Variants in CDKL1 observed in about 807,000 individuals in gnomAD.
The protein encoded by CDKL1 is cyclin dependent kinase like 1, also known as cyclin-dependent kinase-like 1.
In CDKL1, 41 loss-of-function variants were observed where a neutral mutation model predicts 42.0. The observed-to-expected ratio is 0.98, with a 90% CI of 0.76 to 1.27. CDKL1 has a LOEUF of 1.27. Ranked by LOEUF, CDKL1 falls within the 50% of genes most tolerant of loss-of-function variation. The pLI is 0.00. For synonymous variants in CDKL1, 153 were observed against 158.6 expected, an observed-to-expected ratio of 0.96 and a Z score of 0.26; for missense variants, 394 against 428.4, an observed-to-expected ratio of 0.92 and a Z score of 0.71.
intron 4 of CDKL1, among the ~76,000 whole-genome samples, chr14:50,343,472 C>T (rs1430473872): frequency 1.3e-5 from 2 of 152,108 alleles, no homozygotes; most frequent in Non-Finnish European, 2.9e-5. Context: ...TTATTATAAT[C>T]GATCTGGTTC....
chr14:50,334,920 GT>G (rs11445321), intron 7 of CDKL1: 106 of 190,606 alleles, frequency 5.6e-4, no homozygotes, highest in South Asian at 2.3e-3. Context: ...TTTCTGAGCA[GT>G]TTTTTTTTTG....
chr14:50,332,860 T>A (rs1321212410), intron 8 of CDKL1: 3 of 489,104 alleles, frequency 6.1e-6, no homozygotes, highest in Middle Eastern at 4.7e-4. Flanking sequence ...CAGCAAAGTC[T>A]CCACCACTGT....
chr14:50,363,057 C>T (rs1369628550), intron 2 of CDKL1: 1 of 416,236 alleles, frequency 2.4e-6, no homozygotes. Context: ...AAGAACAACT[C>T]CAAACACACT....
rs369709753 is a variant in CDKL1 at position 50,341,157 on chromosome 14, G to A, written c.530C>T (p.Thr177Met). The change falls in exon 6 of 10, where the codon ACG becomes ATG. Residue 177 changes from threonine to methionine, a missense_variant. Coordinates refer to ENST00000395834, the MANE Select transcript of CDKL1 (RefSeq NM_004196.7). ...AACATCCACCGGGGGGCCGTACTGC[G>A]TGTCCCCCACCAGCAGCTCAGGGGA... ...YRSPELLVGD[T>M]QYGPPVDVWA... 69 of 1,614,174 alleles carry A rather than the reference G, an allele frequency of 4.3e-5. No individual in the cohort carries two copies. Among genetic ancestry groups the A allele is most frequent in the Admixed American group, 2.7e-4 (16 of 60,026 alleles).
chr14:50,378,028 A>G, intron 2 of CDKL1: 2 of 712,068 alleles, frequency 2.8e-6, no homozygotes, highest in Non-Finnish European at 4.0e-6. Flanking sequence ...AGTCAGGGCT[A>G]TGGTGAGAAA....
Position 50,328,821 on chromosome 14 carries a change from C to T in CDKL1, c.*1253G>A, listed in dbSNP as rs541424618. 1 of 151,968 alleles carries T rather than the reference C, an allele frequency of 6.6e-6. No homozygotes were observed. Among genetic ancestry groups the T allele is most frequent in the African/African-American group, 2.4e-5 (1 of 41,444 alleles). The allele number at this position is 151,968 out of a possible 1,614,324, so 9.4% of individuals were successfully genotyped here. A position where few individuals can be genotyped will look rare whatever the true frequency, so the allele number is the denominator to read the frequency against. ...CCTGGGGAACATGGCAAAACCCTGC[C>T]TCTACCAAAAAATACAAAAAAATTA... On this transcript the variant is annotated 3_prime_UTR_variant, in exon 10 of 10. Coordinates refer to ENST00000395834, the MANE Select transcript of CDKL1 (RefSeq NM_004196.7).
chr14:50,378,274 C>G, intron 2 of CDKL1: 1 of 1,366,496 alleles, frequency 7.3e-7, no homozygotes, highest in Non-Finnish European at 9.8e-7. Flanking sequence ...CTAGGGCCCA[C>G]GGACCTATAA....
chr14:50,382,862 GGATTA>G (rs1168147288), intron 2 of CDKL1, among the ~76,000 whole-genome samples: 6 of 152,062 alleles, frequency 3.9e-5, no homozygotes, highest in Non-Finnish European at 7.4e-5. Flanking sequence ...CAAAGCGTTA[GGATTA>G]CAGGCGTAAG....
intron 7 of CDKL1, among the ~76,000 whole-genome samples, chr14:50,336,548 T>G (rs912821912): frequency 6.6e-6 from 1 of 152,070 alleles, no homozygotes; most frequent in Non-Finnish European, 1.5e-5. Flanking sequence ...AGCAGAAACC[T>G]TCATTGTGGG....
intron 4 of CDKL1, chr14:50,343,143 A>C: frequency 1.4e-6 from 1 of 738,468 alleles, no homozygotes; most frequent in Non-Finnish European, 1.8e-6. Context: ...TCAACAACCT[A>C]ATTAAGAGTT....
At chr14:50,333,708 T>A (rs1224245690) in intron 8 of CDKL1, 1 of 152,188 alleles carries the variant, frequency 6.6e-6, no homozygotes, top group Non-Finnish European at 1.5e-5. Flanking sequence ...TCCAAGAACC[T>A]TCCTTTGGGG....
At chr14:50,332,625 T>G in intron 8 of CDKL1, 193 bp from the exon 9 acceptor site, 1 of 1,512,300 alleles carries the variant, frequency 6.6e-7, no homozygotes, top group Non-Finnish European at 8.9e-7. Context: ...ATAAATAGTT[T>G]CTAGAAGTAG....
At chr14:50,348,167 C>T (rs1367499770) in intron 3 of CDKL1, among the ~76,000 whole-genome samples, 1 of 152,336 alleles carries the variant, frequency 6.6e-6, no homozygotes, top group East Asian at 1.9e-4. Context: ...AAGCGAAAAT[C>T]TAAGCCAGGA....
At chr14:50,347,569 T>C (rs1465450893) in intron 3 of CDKL1, among the ~76,000 whole-genome samples, 4 of 152,196 alleles carry the variant, frequency 2.6e-5, no homozygotes, top group Non-Finnish European at 2.9e-5. Flanking sequence ...ATCAGGTTTT[T>C]AGCTTGAGTA....
At chr14:50,380,779 G>A (rs1211038125) in intron 2 of CDKL1, among the ~76,000 whole-genome samples, 2 of 143,748 alleles carry the variant, frequency 1.4e-5, no homozygotes, top group African/African-American at 5.1e-5. Context: ...GGAGTCCAAT[G>A]GCCTGGGGCA....
chr14:50,329,062 T>TATATATATATATAC lies in CDKL1; in HGVS notation c.*1011_*1012insGTATATATATATAT. On this transcript the variant is annotated 3_prime_UTR_variant, in exon 10 of 10. Coordinates refer to ENST00000395834, the MANE Select transcript of CDKL1 (RefSeq NM_004196.7). ...ATATATATATATATATATATATATA[T>TATATATATATATAC]ACATACACATACATACACATACAAA... 1 of 144,024 alleles carries TATATATATATATAC rather than the reference T, an allele frequency of 6.9e-6. No homozygotes were observed. Among genetic ancestry groups the TATATATATATATAC allele is most frequent in the Admixed American group, 7.0e-5 (1 of 14,384 alleles). The allele number at this position is 144,024 out of a possible 1,614,324, so 8.9% of individuals were successfully genotyped here. A position where few individuals can be genotyped will look rare whatever the true frequency, so the allele number is the denominator to read the frequency against.
chr14:50,391,308 C>T (rs186457084), intron 2 of CDKL1, among the ~76,000 whole-genome samples: 116 of 152,288 alleles, frequency 7.6e-4, no homozygotes, highest in African/African-American at 2.3e-3. Flanking sequence ...AATCAGAAGA[C>T]GGTGAATACC....
chr14:50,384,088 G>A (rs1273226618), intron 2 of CDKL1, among the ~76,000 whole-genome samples: 1 of 152,170 alleles, frequency 6.6e-6, no homozygotes, highest in Non-Finnish European at 1.5e-5. Flanking sequence ...AATGATAAGA[G>A]GATTGTTTGG....
intron 1 of CDKL1, 122 bp downstream of exon 1, chr14:50,396,702 C>G (rs1237287714): frequency 1.3e-5 from 2 of 157,410 alleles, no homozygotes; most frequent in Non-Finnish European, 2.7e-5. Flanking sequence ...GCGCCCCACG[C>G]CCCCGGGACT....
Sources: allele counts gnomAD v4.1 joint callset (sites outside exome capture counted in the v4.1 genomes callset), GRCh38; gene constraint gnomAD v4.1.1; transcripts MANE v1.5; gene names NCBI Gene and HGNC (gene_info 2026-07-23, HGNC 2026-07-21).